RCAN3: variants seen among roughly 807,000 people sequenced by gnomAD.
RCAN3 encodes regulator of calcineurin 3.
Under a neutral mutation model 21.9 loss-of-function variants are expected in RCAN3, and 19 were observed. The ratio of observed to expected loss-of-function variants is 0.87; its 90% CI spans 0.61 to 1.27. The LOEUF is 1.27. Among genes scored for constraint, RCAN3 ranks in the 50% most tolerant of loss-of-function variants. The pLI is 0.00. For synonymous variants in RCAN3, 114 were observed against 112.3 expected, an observed-to-expected ratio of 1.01 and a Z score of -0.09; for missense variants, 240 against 300.1, an observed-to-expected ratio of 0.80 and a Z score of 1.48.
At chr1:24,533,281 T>G (rs1649948967) in intron 4 of RCAN3, 27 bp downstream of exon 4, 2 of 1,492,344 alleles carry the variant, frequency 1.3e-6, no homozygotes, top group Non-Finnish European at 1.8e-6. Flanking sequence ...TTTCCTATTT[T>G]CTTCCCCAAG....
At chr1:24,511,314 GAAACA>G (rs993834476) in intron 1 of RCAN3, among the ~76,000 whole-genome samples, 9 of 152,016 alleles carry the variant, frequency 5.9e-5, no homozygotes, top group East Asian at 3.9e-4. Context: ...CTCCGTCTCA[GAAACA>G]AAACAAAACA....
rs553695731 is a variant in RCAN3 at position 24,528,359 on chromosome 1, G to A, written c.196-2859G>A. On this transcript the variant is annotated intron_variant, in intron 2 of 4. Transcript: ENST00000374395. ...TCCCAAAATATCAGTAATCAACAAT[G>A]GACTAGTTCCTCTAGTGAAAAGACA... 3.9e-5 allele frequency among the ~76,000 whole-genome samples: 6 copies of A among 152,166 alleles called. No individual in the cohort carries two copies. In the East Asian group the frequency reaches 1.2e-3, roughly 29 times the overall value.
At chr1:24,520,704 G>C (rs1216404069) in intron 2 of RCAN3, among the ~76,000 whole-genome samples, 2 of 151,386 alleles carry the variant, frequency 1.3e-5, no homozygotes, top group African/African-American at 4.9e-5. Context: ...AGGGGGAAGA[G>C]ATAGCATTAG....
intron 2 of RCAN3, among the ~76,000 whole-genome samples, chr1:24,515,637 A>T (rs1259849866): frequency 8.6e-5 from 13 of 152,020 alleles, no homozygotes; most frequent in Non-Finnish European, 1.8e-4. Context: ...TTCCCTTCCG[A>T]TGACTTTCTT....
intron 2 of RCAN3, among the ~76,000 whole-genome samples, chr1:24,521,418 A>G (rs949118195): frequency 3.9e-5 from 6 of 152,148 alleles, no homozygotes; most frequent in Non-Finnish European, 8.8e-5. Flanking sequence ...ACAAAACAAA[A>G]AACCAAAGAC....
chr1:24,517,709 A>T (rs1273823412), intron 2 of RCAN3, among the ~76,000 whole-genome samples: 1 of 152,202 alleles, frequency 6.6e-6, no homozygotes, highest in East Asian at 1.9e-4. Context: ...GGACAGAATC[A>T]AGGCCAGATA....
rs868831763 is a variant in RCAN3, at chr1:24,537,696, C to G, written c.*2419C>G. The G allele has an allele frequency of 2.0e-5, 3 of 152,136 alleles. No homozygotes were observed. Among genetic ancestry groups the G allele is most frequent in the Non-Finnish European group, 4.4e-5 (3 of 68,062 alleles). 9.4% of individuals were successfully genotyped at this position (152,136 alleles called of 1,614,324 possible). On this transcript the variant is annotated 3_prime_UTR_variant, in exon 5 of 5. Coordinates refer to ENST00000374395, the MANE Select transcript of RCAN3 (RefSeq NM_013441.4). ...GTGGATCCACCTGAGGTCAGGAGTT[C>G]AAGACCAGCCTGACCAACATGGTGA... is the stretch of plus-strand genomic sequence containing the variant.
intron 2 of RCAN3, among the ~76,000 whole-genome samples, chr1:24,520,827 TATA>T (rs1236535969): frequency 6.6e-6 from 1 of 151,638 alleles, no homozygotes; most frequent in South Asian, 2.1e-4. Flanking sequence ...AAACTTAAAG[TATA>T]ATAATAATAA....
rs1650128171 is a variant in RCAN3, at chr1:24,535,152, T to C, written c.601T>C (p.Cys201Arg). ...ESTPSVVVHVCESETEEEEET... is the reference protein window; with the variant it reads ...ESTPSVVVHVRESETEEEEET... ...GACACCCAGCGTGGTGGTTCATGTC[T>C]GTGAAAGTGAAACTGAAGAGGAAGA... The change falls in exon 5 of 5, where the codon TGT becomes CGT. Residue 201 changes from cysteine to arginine, a missense_variant. Transcript: ENST00000374395. The C allele has an allele frequency of 6.3e-7, 1 of 1,598,880 alleles. No homozygotes were observed. Among genetic ancestry groups the C allele is most frequent in the Non-Finnish European group, 8.5e-7 (1 of 1,174,804 alleles).
chr1:24,535,584 GT>G lies in RCAN3; in HGVS notation c.*308del. 1 of 276,976 alleles carries G rather than the reference GT, an allele frequency of 3.6e-6. No homozygotes were observed. The highest frequency in any genetic ancestry group is 5.3e-5 in the Admixed American group (1 of 18,844). 17.2% of individuals were successfully genotyped at this position (276,976 alleles called of 1,614,324 possible). A position where few individuals can be genotyped will look rare whatever the true frequency, so the allele number is the denominator to read the frequency against. ...AACAGCTCCCCTCCCCTCCAGCCAT[GT>G]AAGTCCTCCTGATTCTGTATCACAT... On this transcript the variant is annotated 3_prime_UTR_variant, in exon 5 of 5. Coordinates refer to ENST00000374395, the MANE Select transcript of RCAN3 (RefSeq NM_013441.4).
rs191867699 is a variant in RCAN3 at position 24,520,809 on chromosome 1, G to A, written c.195+6242G>A. ...TAACAAACCTGCACGTTGTACACAT[G>A]TACCCTAAAACTTAAAGTATAATAA... On this transcript the variant is annotated intron_variant, in intron 2 of 4. Coordinates refer to ENST00000374395, the MANE Select transcript of RCAN3 (RefSeq NM_013441.4). 3.4e-4 allele frequency among the ~76,000 whole-genome samples: 52 copies of A among 151,816 alleles called. No homozygotes were observed. In the East Asian group the frequency reaches 9.7e-3, roughly 28 times the overall value.
intron 1 of RCAN3, among the ~76,000 whole-genome samples, chr1:24,513,420 C>A (rs932438663): frequency 6.6e-6 from 1 of 152,096 alleles, no homozygotes; most frequent in Non-Finnish European, 1.5e-5. Context: ...AATCCCAGCA[C>A]TTTAGGAGAC....
intron 2 of RCAN3, among the ~76,000 whole-genome samples, chr1:24,519,130 C>T (rs1257410252): frequency 6.6e-6 from 1 of 151,882 alleles, no homozygotes; most frequent in African/African-American, 2.4e-5. Flanking sequence ...AAGCTGGTCT[C>T]AAACTCTCGA....
chr1:24,530,763 C>T (rs1649694680), intron 2 of RCAN3, among the ~76,000 whole-genome samples: 1 of 152,208 alleles, frequency 6.6e-6, no homozygotes, highest in East Asian at 1.9e-4. Flanking sequence ...GTAATCCCAG[C>T]ACTTTGGGAG....
rs1042533847 is a variant in RCAN3, at chr1:24,539,376, T to G, written c.*4099T>G. 6.6e-6 allele frequency: 1 copy of G among 152,236 alleles called. No homozygotes were observed. Among genetic ancestry groups the G allele is most frequent in the African/African-American group, 2.4e-5 (1 of 41,464 alleles). The allele number at this position is 152,236 out of a possible 1,614,324, so 9.4% of individuals were successfully genotyped here. A position where few individuals can be genotyped will look rare whatever the true frequency, so the allele number is the denominator to read the frequency against. ...GATGTCCCATGTTTTGTAGTTTTGTTATCATTGAACCATTGGGGCTGGAAT... is the reference window on the plus strand; with the variant it reads ...GATGTCCCATGTTTTGTAGTTTTGTGATCATTGAACCATTGGGGCTGGAAT... On this transcript the variant is annotated 3_prime_UTR_variant, in exon 5 of 5. Coordinates refer to ENST00000374395, the MANE Select transcript of RCAN3 (RefSeq NM_013441.4).
Position 24,514,445 on chromosome 1 carries a change from G to C in RCAN3, c.73G>C (p.Glu25Gln). The change falls in exon 2 of 5, where the codon GAA becomes CAA. Residue 25 changes from glutamate to glutamine, a missense_variant. Transcript: ENST00000374395. ...DLCSTDQEEE[E>Q]EMIFGENEDD... ...GTGTAGCACTGACCAAGAAGAGGAA[G>C]AAGAGATGATTTTTGGTGAAAATGA... The C allele has an allele frequency of 6.2e-7, 1 of 1,614,160 alleles. No homozygotes were observed. Among genetic ancestry groups the C allele is most frequent in the Non-Finnish European group, 8.5e-7 (1 of 1,180,018 alleles).
intron 2 of RCAN3, among the ~76,000 whole-genome samples, chr1:24,530,278 C>T (rs1223052082): frequency 6.8e-6 from 1 of 147,114 alleles, no homozygotes; most frequent in East Asian, 2.0e-4. Flanking sequence ...TTGCCTGAAC[C>T]CTAGAGGTTG....
chr1:24,523,566 C>CACAT (rs147532873), intron 2 of RCAN3, among the ~76,000 whole-genome samples: 10,305 of 151,162 alleles, frequency 0.068, 1,153 homozygotes, highest in African/African-American at 0.23. Context: ...TATACACACA[C>CACAT]ATATATAAAG....
chr1:24,532,639 G>A (rs981572723), intron 3 of RCAN3, among the ~76,000 whole-genome samples: 13 of 151,778 alleles, frequency 8.6e-5, no homozygotes, highest in African/African-American at 3.1e-4. Flanking sequence ...CCACCCTTTT[G>A]GAGATTATAG....
Sources: allele counts gnomAD v4.1 joint callset (sites outside exome capture counted in the v4.1 genomes callset), GRCh38; gene constraint gnomAD v4.1.1; transcripts MANE v1.5; gene names NCBI Gene and HGNC (gene_info 2026-07-23, HGNC 2026-07-21).